Variants in NRG1 observed in about 807,000 individuals in gnomAD.
NRG1 encodes the protein pro-neuregulin-1, membrane-bound isoform.
NRG1 carries 18 observed loss-of-function variants against 63.8 expected under a neutral mutation model. The ratio of observed to expected loss-of-function variants is 0.28; its 90% CI spans 0.19 to 0.42. NRG1 has a LOEUF of 0.42. Ranked by LOEUF, NRG1 falls within the 10% of genes least tolerant of loss-of-function variation. The pLI is 1.00. For missense variants in NRG1, 762 were observed against 814.7 expected (o/e 0.94, Z 0.79); for synonymous variants, 302 against 301.3 (o/e 1.00, Z -0.02).
chr8:31,958,289 G>T (rs553433320), intron 1 of NRG1, among the ~76,000 whole-genome samples: 1 of 152,016 alleles, frequency 6.6e-6, no homozygotes, highest in Non-Finnish European at 1.5e-5. Context: ...AATAAGAATA[G>T]AATATAGGAA....
intron 5 of NRG1, among the ~76,000 whole-genome samples, chr8:32,704,675 T>C (rs1249969034): frequency 1.3e-5 from 2 of 152,240 alleles, no homozygotes; most frequent in Non-Finnish European, 2.9e-5. Flanking sequence ...TAAATCTCAT[T>C]ATTTCATACT....
chr8:32,561,459 G>C (rs1261658548), intron 1 of NRG1, among the ~76,000 whole-genome samples: 1 of 152,188 alleles, frequency 6.6e-6, no homozygotes, highest in Non-Finnish European at 1.5e-5. Context: ...GGAAAAGGAG[G>C]GTAATGGGTG....
At chr8:32,510,359 T>A (rs1829031891) in intron 1 of NRG1, among the ~76,000 whole-genome samples, 1 of 150,880 alleles carries the variant, frequency 6.6e-6, no homozygotes, top group Non-Finnish European at 1.5e-5. Context: ...GAGACCCTGT[T>A]TCAAAAAAAT....
chr8:32,174,063 A>G (rs1235353949), intron 1 of NRG1, among the ~76,000 whole-genome samples: 1 of 152,152 alleles, frequency 6.6e-6, no homozygotes, highest in African/African-American at 2.4e-5. Context: ...CACCACACCT[A>G]TTCCAAAATT....
At chr8:31,693,611 G>A (rs1809758347) in intron 1 of NRG1, among the ~76,000 whole-genome samples, 1 of 152,122 alleles carries the variant, frequency 6.6e-6, no homozygotes, top group South Asian at 2.1e-4. Flanking sequence ...CATGTTTATT[G>A]TAGGTGCTGC....
chr8:31,797,289 G>C (rs1821318607), intron 1 of NRG1, among the ~76,000 whole-genome samples: 1 of 152,090 alleles, frequency 6.6e-6, no homozygotes. Flanking sequence ...CTCTACTTTT[G>C]GTCATGGACC....
At chr8:31,902,904 G>A (rs768613846) in intron 1 of NRG1, among the ~76,000 whole-genome samples, 14 of 152,110 alleles carry the variant, frequency 9.2e-5, no homozygotes, top group African/African-American at 1.4e-4. Context: ...CCAATAGAAC[G>A]TAACAGGAAT....
At chr8:32,403,125 G>A (rs1035526065) in intron 1 of NRG1, among the ~76,000 whole-genome samples, 41 of 151,512 alleles carry the variant, frequency 2.7e-4, no homozygotes, top group Admixed American at 3.3e-4. Flanking sequence ...ATGGTGAAAC[G>A]CCGTCTCTAC....
intron 5 of NRG1, chr8:32,721,953 A>T: frequency 1.3e-6 from 2 of 1,541,686 alleles, no homozygotes. Context: ...TATTCAGAGC[A>T]AGAATAATAA....
At chr8:32,646,697 A>C in intron 5 of NRG1, 2 of 985,404 alleles carry the variant, frequency 2.0e-6, no homozygotes, top group Non-Finnish European at 2.4e-6. Context: ...GAAAGAAAGA[A>C]AAAGGAGGAA....
intron 1 of NRG1, among the ~76,000 whole-genome samples, chr8:32,530,101 T>C (rs1474130529): frequency 6.6e-6 from 1 of 152,048 alleles, no homozygotes; most frequent in Non-Finnish European, 1.5e-5. Flanking sequence ...AGCTCCATTA[T>C]AATCCTTTTT....
intron 1 of NRG1, among the ~76,000 whole-genome samples, chr8:31,799,631 CATA>C (rs1418634613): frequency 3.3e-5 from 5 of 152,040 alleles, no homozygotes; most frequent in South Asian, 2.1e-4. Flanking sequence ...TTCTATTTGA[CATA>C]ATAACAGTCT....
chr8:31,921,528 A>T (rs2129618695), intron 1 of NRG1, among the ~76,000 whole-genome samples: 1 of 152,264 alleles, frequency 6.6e-6, no homozygotes, highest in African/African-American at 2.4e-5. Flanking sequence ...ACATCTGGCA[A>T]CAGGAAGAGC....
Position 32,742,048 on chromosome 8 carries a change from G to A in NRG1, c.633-627G>A, listed in dbSNP as rs1265959146. The A allele has an allele frequency of 1.2e-6, 2 of 1,613,558 alleles. No homozygotes were observed. The highest frequency in any genetic ancestry group is 3.3e-5 in the Admixed American group (2 of 59,948). ...CACTGGAGCAAGATGTACTGAGAAT[G>A]TGCCCATGAAAGTCCAAAACCAAGA... is the stretch of plus-strand genomic sequence containing the variant. On this transcript the variant is annotated intron_variant, in intron 6 of 11. Transcript: ENST00000356819. The surrounding 1 kb of genome is among the most constrained non-coding windows in gnomAD (Gnocchi z 4.2).
intron 1 of NRG1, among the ~76,000 whole-genome samples, chr8:32,171,107 T>G (rs916947703): frequency 1.3e-5 from 2 of 152,146 alleles, no homozygotes; most frequent in Non-Finnish European, 2.9e-5. Context: ...CTGAGGATAT[T>G]TTTTCTGTGT....
chr8:32,371,304 T>C (rs1256327502), intron 1 of NRG1, among the ~76,000 whole-genome samples: 24 of 152,314 alleles, frequency 1.6e-4, no homozygotes, highest in Non-Finnish European at 2.9e-5. Flanking sequence ...CTATCAACAT[T>C]TGACACAGAA....
intron 1 of NRG1, among the ~76,000 whole-genome samples, chr8:32,040,658 T>C (rs1469080499): frequency 2.1e-5 from 3 of 140,496 alleles, no homozygotes; most frequent in African/African-American, 7.7e-5. Flanking sequence ...TATGTATATA[T>C]GTATATATGT....
intron 1 of NRG1, among the ~76,000 whole-genome samples, chr8:32,195,438 C>CAA (rs34604354): frequency 0.13 from 17,720 of 137,450 alleles, 1,141 homozygotes; most frequent in East Asian, 0.23. Context: ...GACCCTGTCT[C>CAA]AAAAAAAAAA....
At chr8:32,097,796 C>G (rs1021042223) in intron 1 of NRG1, among the ~76,000 whole-genome samples, 4 of 152,096 alleles carry the variant, frequency 2.6e-5, no homozygotes, top group African/African-American at 9.7e-5. Context: ...CAATATGAGA[C>G]AGCAAATATT....
Sources: allele counts gnomAD v4.1 joint callset (sites outside exome capture counted in the v4.1 genomes callset), GRCh38; gene constraint gnomAD v4.1.1; non-coding constraint Gnocchi (gnomAD v3.1); transcripts MANE v1.5; gene names NCBI Gene and HGNC (gene_info 2026-07-23, HGNC 2026-07-21).